Variants in LAMA4 observed in about 807,000 individuals in gnomAD.
LAMA4 encodes the protein laminin subunit alpha 4, also known as laminin subunit alpha-4.
LAMA4 carries 127 observed loss-of-function variants against 207.1 expected under a neutral mutation model. The observed-to-expected ratio is 0.61, with a 90% CI of 0.53 to 0.71. LAMA4 has a LOEUF of 0.71. Among genes scored for constraint, LAMA4 ranks in the 30% least tolerant of loss-of-function variants. The probability of loss-of-function intolerance (pLI) is 0.00; values close to 1 mark genes in which losing one functional copy is unlikely to be tolerated. For missense variants in LAMA4, 2,093 were observed against 2,246.5 expected (o/e 0.93, Z 1.38); for synonymous variants, 761 against 816.0 (o/e 0.93, Z 1.15).
At chr6:112,167,324 C>G (rs1554340315) in intron 12 of LAMA4, among the ~76,000 whole-genome samples, 3 of 152,166 alleles carry the variant, frequency 2.0e-5, no homozygotes, top group African/African-American at 7.2e-5. Flanking sequence ...ATTGCTTGAA[C>G]CCAGGAGGTG....
intron 13 of LAMA4, among the ~76,000 whole-genome samples, chr6:112,164,310 A>G (rs1351901593): frequency 6.6e-6 from 1 of 152,214 alleles, no homozygotes; most frequent in Non-Finnish European, 1.5e-5. Context: ...CCAGAGAATT[A>G]CTGGAGTGGG....
chr6:112,190,993 T>TTCTTTCC (rs1783085738), intron 6 of LAMA4, among the ~76,000 whole-genome samples: 2 of 148,282 alleles, frequency 1.3e-5, no homozygotes, highest in African/African-American at 2.5e-5. Flanking sequence ...TCTTTCCTCT[T>TTCTTTCC]TCTTTCTTTC....
chr6:112,134,351 G>A (rs1554330811), intron 26 of LAMA4, 116 bp downstream of exon 26: 61 of 990,528 alleles, frequency 6.2e-5, no homozygotes, highest in Non-Finnish European at 5.2e-5. Context: ...ACCTGTGCCT[G>A]TCCCTGTGTG....
Position 112,139,250 on chromosome 6 carries a change from A to C in LAMA4, c.3152T>G (p.Phe1051Cys). The change falls in exon 24 of 39, where the codon TTC becomes TGC. Residue 1051 changes from phenylalanine (F) to cysteine (C), a missense_variant. By Grantham distance (205) the Phe-to-Cys change is radical. Coordinates refer to ENST00000230538, the MANE Select transcript of LAMA4 (RefSeq NM_001105206.3). ...AFTQSRAASY[F>C]FDGSGYAVVR... ...CACGGCATAACCGGAGCCATCGAAG[A>C]AGTAACTGGCAGCCCGACTCTGAGT... 6.2e-7 allele frequency: 1 copy of C among 1,614,196 alleles called. No individual in the cohort carries two copies. Among genetic ancestry groups the C allele is most frequent in the Non-Finnish European group, 8.5e-7 (1 of 1,180,024 alleles).
In LAMA4 at chr6:112,132,976, C is replaced by G. The variant is rs915012970; in HGVS notation, c.3697-86G>C. 2.4e-5 allele frequency: 33 copies of G among 1,376,216 alleles called. No individual in the cohort carries two copies. In the African/African-American group the frequency reaches 4.7e-4, roughly 20 times the overall value. 85.3% of individuals were successfully genotyped at this position (1,376,216 alleles called of 1,614,324 possible). A position where few individuals can be genotyped will look rare whatever the true frequency, so the allele number is the denominator to read the frequency against. ...AATGTTTCACATACGGAAGGCCTTG[C>G]CTGTTAATTTCTACGTAAATAGTTT... On this transcript the variant is annotated intron_variant, in intron 27 of 38. Coordinates refer to ENST00000230538, the MANE Select transcript of LAMA4 (RefSeq NM_001105206.3).
intron 24 of LAMA4, among the ~76,000 whole-genome samples, chr6:112,137,907 C>T (rs1302103635): frequency 1.3e-5 from 2 of 151,800 alleles, no homozygotes; most frequent in African/African-American, 4.9e-5. Flanking sequence ...AACATACTGT[C>T]ACATCAATGT....
At chr6:112,115,755 C>A (rs1044846925) in intron 36 of LAMA4, 108 bp downstream of exon 36, 1 of 1,192,806 alleles carries the variant, frequency 8.4e-7, no homozygotes. Context: ...TCCTATATTT[C>A]TTTTCAGTTA....
At chr6:112,206,477 AATGT>A (rs148921531) in intron 4 of LAMA4, among the ~76,000 whole-genome samples, 1,835 of 152,308 alleles carry the variant, frequency 0.012, 38 homozygotes, top group African/African-American at 0.041. Flanking sequence ...TTTCCATTAA[AATGT>A]ATGTCTCTTT....
chr6:112,173,772 T>G (rs1363562543), intron 11 of LAMA4, among the ~76,000 whole-genome samples: 1 of 152,240 alleles, frequency 6.6e-6, no homozygotes, highest in African/African-American at 2.4e-5. Context: ...AAGTTGATAG[T>G]GACAGTTGTA....
At chr6:112,217,912 C>T (rs574752705) in intron 2 of LAMA4, 32 of 152,080 alleles carry the variant, frequency 2.1e-4, no homozygotes, top group Admixed American at 1.4e-3. Flanking sequence ...TAGTCTTTGC[C>T]GCAAAGTAAA....
chr6:112,231,754 C>A (rs1785577487), intron 2 of LAMA4, among the ~76,000 whole-genome samples: 1 of 152,152 alleles, frequency 6.6e-6, no homozygotes, highest in African/African-American at 2.4e-5. Flanking sequence ...ATGTCTGGCC[C>A]CACCTAACAG....
intron 2 of LAMA4, chr6:112,234,285 A>G (rs1438420459): frequency 6.6e-6 from 1 of 152,044 alleles, no homozygotes; most frequent in African/African-American, 2.4e-5. Flanking sequence ...TGAACTTAGA[A>G]CCTATCAAGA....
chr6:112,228,259 C>T (rs1340850440), intron 2 of LAMA4, among the ~76,000 whole-genome samples: 7 of 152,194 alleles, frequency 4.6e-5, no homozygotes, highest in African/African-American at 1.7e-4. Context: ...TCAAATGAAG[C>T]TGAACTACGG....
intron 2 of LAMA4, among the ~76,000 whole-genome samples, chr6:112,219,893 C>T (rs1554359968): frequency 6.6e-6 from 1 of 152,068 alleles, no homozygotes; most frequent in Non-Finnish European, 1.5e-5. Flanking sequence ...AATGGTGGAC[C>T]CAGGATTTAG....
rs531839876 is a variant in LAMA4, at chr6:112,160,735, C to T, written c.1669-1855G>A. On this transcript the variant is annotated intron_variant, in intron 13 of 38. Transcript: ENST00000230538. ...CTCTTTCCCTGACCAAGAAAGAGAC[C>T]GTGAAACTTGGCATTTGACTCCCAG... Among the ~76,000 whole-genome samples, 179 of 152,274 alleles carry T rather than the reference C, an allele frequency of 1.2e-3. 1 individual carries two copies. The highest frequency in any genetic ancestry group is 4.1e-3 in the African/African-American group (169 of 41,536).
intron 6 of LAMA4, among the ~76,000 whole-genome samples, chr6:112,190,896 TTTC>T (rs1782994398): frequency 3.9e-5 from 3 of 77,358 alleles, no homozygotes; most frequent in African/African-American, 1.5e-4. Context: ...TCTTTCTTTC[TTTC>T]TTTCTTTCTT....
At chr6:112,183,387 A>G (rs1326998008) in intron 9 of LAMA4, among the ~76,000 whole-genome samples, 4 of 152,166 alleles carry the variant, frequency 2.6e-5, no homozygotes, top group African/African-American at 9.7e-5. Context: ...TTCAATAAAA[A>G]TAGATGGAAA....
intron 14 of LAMA4, among the ~76,000 whole-genome samples, chr6:112,155,914 C>CT (rs1554336880): frequency 6.6e-6 from 1 of 152,214 alleles, no homozygotes; most frequent in Admixed American, 6.5e-5. Context: ...TCTCTGACAG[C>CT]TGCCTGTCTG....
intron 9 of LAMA4, 185 bp from the exon 10 acceptor site, chr6:112,178,417 C>T: frequency 1.7e-6 from 1 of 597,044 alleles, no homozygotes; most frequent in Non-Finnish European, 3.0e-6. Flanking sequence ...GCCAGTTTTA[C>T]TTTTAAAAAA....
Sources: allele counts gnomAD v4.1 joint callset (sites outside exome capture counted in the v4.1 genomes callset), GRCh38; gene constraint gnomAD v4.1.1; transcripts MANE v1.5; gene names NCBI Gene and HGNC (gene_info 2026-07-23, HGNC 2026-07-21).